NKAIN2: variants seen among roughly 807,000 people sequenced by gnomAD.
NKAIN2 encodes the protein sodium/potassium-transporting ATPase subunit beta-1-interacting protein 2.
NKAIN2 carries 14 observed loss-of-function variants against 32.6 expected under a neutral mutation model. The ratio of observed to expected loss-of-function variants is 0.43; its 90% CI spans 0.28 to 0.67. The LOEUF (loss-of-function observed/expected upper bound fraction) is 0.67. Among genes scored for constraint, NKAIN2 ranks in the 30% least tolerant of loss-of-function variants. The pLI, the probability that NKAIN2 is intolerant of heterozygous loss-of-function variation, is 0.17. For synonymous variants in NKAIN2, 80 were observed against 87.2 expected (o/e 0.92, Z 0.46); for missense variants, 198 against 258.3 (o/e 0.77, Z 1.60).
At chr6:124,153,454 A>T (rs1043033693) in intron 1 of NKAIN2, among the ~76,000 whole-genome samples, 13 of 151,792 alleles carry the variant, frequency 8.6e-5, no homozygotes, top group Admixed American at 8.5e-4. Context: ...AGATAACTTG[A>T]GGGATAATTA....
intron 3 of NKAIN2, among the ~76,000 whole-genome samples, chr6:124,442,581 C>T (rs1775735177): frequency 6.6e-6 from 1 of 152,028 alleles, no homozygotes; most frequent in African/African-American, 2.4e-5. Flanking sequence ...TATGCCCAAT[C>T]CCTGAAATAC....
intron 1 of NKAIN2, among the ~76,000 whole-genome samples, chr6:124,026,705 T>C (rs900245936): frequency 6.6e-6 from 1 of 152,318 alleles, no homozygotes; most frequent in South Asian, 2.1e-4. Flanking sequence ...CAATCAGTGT[T>C]AGCACAAAAT....
intron 3 of NKAIN2, among the ~76,000 whole-genome samples, chr6:124,551,202 G>A (rs1009728380): frequency 3.3e-5 from 5 of 152,140 alleles, no homozygotes; most frequent in Middle Eastern, 6.3e-3. Context: ...AAATTAAACT[G>A]GATAAGGGAA....
At chr6:124,382,223 G>A (rs1772676450) in intron 3 of NKAIN2, among the ~76,000 whole-genome samples, 1 of 152,048 alleles carries the variant, frequency 6.6e-6, no homozygotes, top group Non-Finnish European at 1.5e-5. Flanking sequence ...AGAGGAAAAT[G>A]CAGTTTATAT....
intron 3 of NKAIN2, among the ~76,000 whole-genome samples, chr6:124,527,074 T>C (rs1054185452): frequency 5.9e-5 from 9 of 152,148 alleles, no homozygotes; most frequent in African/African-American, 2.2e-4. Context: ...ATTGAAAAAG[T>C]ACCCAACTCA....
At chr6:124,148,266 TAATAA>T (rs1787521515) in intron 1 of NKAIN2, among the ~76,000 whole-genome samples, 1 of 149,184 alleles carries the variant, frequency 6.7e-6, no homozygotes, top group Non-Finnish European at 1.5e-5. Flanking sequence ...AAAATGCGAA[TAATAA>T]AATCAATTCT....
intron 1 of NKAIN2, among the ~76,000 whole-genome samples, chr6:123,813,775 C>T (rs1298813378): frequency 6.6e-6 from 1 of 151,886 alleles, no homozygotes; most frequent in Non-Finnish European, 1.5e-5. Flanking sequence ...TCATGCCACT[C>T]CAGCCTGGGC....
intron 3 of NKAIN2, among the ~76,000 whole-genome samples, chr6:124,557,955 C>T (rs1780537401): frequency 6.6e-6 from 1 of 152,036 alleles, no homozygotes; most frequent in African/African-American, 2.4e-5. Flanking sequence ...TAGTAATTAC[C>T]TCAAACTTGC....
intron 3 of NKAIN2, among the ~76,000 whole-genome samples, chr6:124,547,315 G>A (rs1040855207): frequency 3.3e-5 from 5 of 151,838 alleles, no homozygotes. Flanking sequence ...TGATTTATTA[G>A]CAGTTCAAGT....
chr6:124,204,393 CAGAT>C (rs1218031317), intron 1 of NKAIN2, among the ~76,000 whole-genome samples: 16 of 151,600 alleles, frequency 1.1e-4, no homozygotes, highest in Admixed American at 9.9e-4. Flanking sequence ...GGTTTTAAAT[CAGAT>C]AGACACTTTT....
chr6:124,545,108 C>T (rs1780047389), intron 3 of NKAIN2, among the ~76,000 whole-genome samples: 1 of 152,170 alleles, frequency 6.6e-6, no homozygotes, highest in Non-Finnish European at 1.5e-5. Flanking sequence ...TCAAATTTTA[C>T]CTCAACTGAA....
At chr6:124,260,460 G>A (rs1397052690) in intron 1 of NKAIN2, among the ~76,000 whole-genome samples, 1 of 152,160 alleles carries the variant, frequency 6.6e-6, no homozygotes, top group African/African-American at 2.4e-5. Flanking sequence ...AAACCACACA[G>A]GTGTCAGGGA....
intron 1 of NKAIN2, among the ~76,000 whole-genome samples, chr6:124,138,377 T>C (rs1161307612): frequency 6.6e-6 from 1 of 152,142 alleles, no homozygotes; most frequent in Non-Finnish European, 1.5e-5. Flanking sequence ...GGAACACTTC[T>C]ACACTGCTGG....
At chr6:124,527,983 C>T (rs1779382620) in intron 3 of NKAIN2, among the ~76,000 whole-genome samples, 1 of 152,160 alleles carries the variant, frequency 6.6e-6, no homozygotes, top group African/African-American at 2.4e-5. Context: ...AGTTGGAGGA[C>T]TCAGGAACCA....
intron 1 of NKAIN2, among the ~76,000 whole-genome samples, chr6:123,976,367 A>ATATAT (rs1217756595): frequency 4.8e-5 from 1 of 20,772 alleles, no homozygotes; most frequent in Non-Finnish European, 8.9e-5. Context: ...ATATATATAT[A>ATATAT]TTCCCATATA....
Position 124,660,139 on chromosome 6 carries a change from T to C in NKAIN2, c.474+1753T>C, listed in dbSNP as rs1257979384. On this transcript the variant is annotated intron_variant, in intron 4 of 6. Coordinates refer to ENST00000368417, the MANE Select transcript of NKAIN2 (RefSeq NM_001040214.3). ...GATTTGGGGTCAGATAAAATATCTTTATATATGTATTAAAAGGAGGTTTTA... is the reference window on the plus strand; with the variant it reads ...GATTTGGGGTCAGATAAAATATCTTCATATATGTATTAAAAGGAGGTTTTA... Among the ~76,000 whole-genome samples, 6 of 152,200 alleles carry C rather than the reference T, an allele frequency of 3.9e-5. No homozygotes were observed. In the South Asian group the frequency reaches 6.2e-4, roughly 16 times the overall value.
At chr6:124,490,430 T>TTTTAA in intron 3 of NKAIN2, 1 of 407,816 alleles carries the variant, frequency 2.5e-6, no homozygotes. Context: ...TTTTTTTTTT[T>TTTTAA]AAGAATTCTT....
chr6:124,736,416 C>A (rs1311084563), intron 4 of NKAIN2, among the ~76,000 whole-genome samples: 1 of 151,866 alleles, frequency 6.6e-6, no homozygotes, highest in Non-Finnish European at 1.5e-5. Context: ...GGTGGCTACC[C>A]TAAACAACAG....
chr6:124,456,591 G>A (rs1415987832), intron 3 of NKAIN2, among the ~76,000 whole-genome samples: 1 of 151,768 alleles, frequency 6.6e-6, no homozygotes, highest in African/African-American at 2.4e-5. Context: ...TTTGCATATG[G>A]TTACTGGCCA....
Sources: gnomAD v4.1 joint callset for allele counts (sites outside exome capture counted in the v4.1 genomes callset) on GRCh38, gnomAD v4.1.1 for gene constraint, MANE v1.5 for transcripts, NCBI Gene and HGNC (gene_info 2026-07-23, HGNC 2026-07-21) for gene names.